The following OPRD1 variants were observed in gnomAD, a reference collection of about 807,000 sequenced individuals.
The protein encoded by OPRD1 is opioid receptor delta 1, also known as delta-type opioid receptor.
OPRD1 carries 19 observed loss-of-function variants against 17.5 expected under a neutral mutation model. The ratio of observed to expected loss-of-function variants is 1.09; its 90% CI spans 0.76 to 1.60. The LOEUF is 1.60. OPRD1 is among the 40% of genes most tolerant of loss of function. The probability of loss-of-function intolerance (pLI) is 0.00; values close to 1 mark genes in which losing one functional copy is unlikely to be tolerated. For missense variants in OPRD1, 483 were observed against 547.2 expected (o/e 0.88, Z 1.17); for synonymous variants, 256 against 240.9 (o/e 1.06, Z -0.58).
chr1:28,847,125 C>T (rs1473391287), intron 1 of OPRD1, among the ~76,000 whole-genome samples: 1 of 151,226 alleles, frequency 6.6e-6, no homozygotes, highest in African/African-American at 2.4e-5. Context: ...GATCTCAGCT[C>T]ACTGCAACCT....
chr1:28,812,487 C>T lies in OPRD1; in HGVS notation c.104C>T (p.Ser35Leu), dbSNP rs1557565766. The change falls in exon 1 of 3, where the codon TCG becomes TTG. Residue 35 changes from serine to leucine, a missense_variant. Transcript: ENST00000234961. Reference sequence around the variant, plus strand: ...TGCCCCAGCGCTGGCGCCAATGCGTCGGGGCCGCCAGGCGCGCGGAGCGCC... The same window carrying T: ...TGCCCCAGCGCTGGCGCCAATGCGTTGGGGCCGCCAGGCGCGCGGAGCGCC... ...SACPSAGANA[S>L]GPPGARSASS... The T allele has an allele frequency of 3.2e-6, 5 of 1,551,912 alleles. No individual in the cohort carries two copies. Among genetic ancestry groups the T allele is most frequent in the Non-Finnish European group, 4.3e-6 (5 of 1,157,560 alleles).
intron 1 of OPRD1, among the ~76,000 whole-genome samples, chr1:28,813,666 C>A (rs1052307427): frequency 6.6e-6 from 1 of 152,156 alleles, no homozygotes; most frequent in African/African-American, 2.4e-5. Flanking sequence ...ATCTTTAAAA[C>A]AACAAAGATG....
intron 1 of OPRD1, among the ~76,000 whole-genome samples, chr1:28,852,516 A>G (rs1569645291): frequency 6.6e-6 from 1 of 152,260 alleles, no homozygotes; most frequent in Non-Finnish European, 1.5e-5. Flanking sequence ...TGATAAAACT[A>G]TATTGGAGCC....
chr1:28,852,099 G>A (rs1327754473), intron 1 of OPRD1, among the ~76,000 whole-genome samples: 27 of 150,048 alleles, frequency 1.8e-4, no homozygotes, highest in Non-Finnish European at 2.5e-4. Flanking sequence ...CCTGGGAGGC[G>A]GAGCTTGGAG....
In OPRD1 at chr1:28,812,290, G is replaced by C. The variant is rs2088636111; in HGVS notation, c.-94G>C. 1 of 876,958 alleles carries C rather than the reference G, an allele frequency of 1.1e-6. No homozygotes were observed. The highest frequency in any genetic ancestry group is 1.5e-6 in the Non-Finnish European group (1 of 678,000). 54.3% of individuals were successfully genotyped at this position (876,958 alleles called of 1,614,324 possible). A position where few individuals can be genotyped will look rare whatever the true frequency, so the allele number is the denominator to read the frequency against. ...CGGGGCGCGGCAGCCGGCGGCGTCG[G>C]GGCCGCGGCCTCTGCCTTGCCGCTC... On this transcript the variant is annotated 5_prime_UTR_variant, in exon 1 of 3. Transcript: ENST00000234961.
At chr1:28,858,576 G>A (rs1045568321) in intron 1 of OPRD1, among the ~76,000 whole-genome samples, 13 of 134,832 alleles carry the variant, frequency 9.6e-5, no homozygotes, top group Non-Finnish European at 1.7e-4. Flanking sequence ...ACAGAGCTTC[G>A]CTTTTATCGC....
Position 28,864,108 on chromosome 1 carries a change from A to C in OPRD1, c.*825A>C, listed in dbSNP as rs535032850. On this transcript the variant is annotated 3_prime_UTR_variant, in exon 3 of 3. Transcript: ENST00000234961. ...AACATGGGAGACCCTGTCGCTACAA[A>C]AAATACAAAATTAGCCAGGCATGGT... 1 of 152,348 alleles carries C rather than the reference A, an allele frequency of 6.6e-6. No individual in the cohort carries two copies. The highest frequency in any genetic ancestry group is 1.9e-4 in the East Asian group (1 of 5,174). 9.4% of individuals were successfully genotyped at this position (152,348 alleles called of 1,614,324 possible).
At chr1:28,832,758 T>C (rs895404033) in intron 1 of OPRD1, among the ~76,000 whole-genome samples, 4 of 152,188 alleles carry the variant, frequency 2.6e-5, no homozygotes, top group African/African-American at 2.4e-5. Context: ...GTTTCTTCTA[T>C]AAACAAAATG....
intron 1 of OPRD1, among the ~76,000 whole-genome samples, chr1:28,856,959 C>G (rs753758693): frequency 1.3e-5 from 2 of 152,112 alleles, no homozygotes; most frequent in Admixed American, 6.5e-5. Flanking sequence ...GATGAAGAGG[C>G]CTGGATGGAG....
At chr1:28,841,831 A>G (rs2124275805) in intron 1 of OPRD1, among the ~76,000 whole-genome samples, 1 of 150,644 alleles carries the variant, frequency 6.6e-6, no homozygotes, top group Non-Finnish European at 1.5e-5. Flanking sequence ...CTCTTGCCTC[A>G]TCCTCCTGAG....
chr1:28,815,957 T>C (rs1166664334), intron 1 of OPRD1, among the ~76,000 whole-genome samples: 1 of 152,124 alleles, frequency 6.6e-6, no homozygotes, highest in African/African-American at 2.4e-5. Flanking sequence ...CTCGGGCTAG[T>C]GACGAGCTGT....
chr1:28,850,653 T>C (rs2088993491), intron 1 of OPRD1, among the ~76,000 whole-genome samples: 1 of 151,754 alleles, frequency 6.6e-6, no homozygotes, highest in African/African-American at 2.4e-5. Flanking sequence ...GGCATGATGG[T>C]GCACCTGCGA....
chr1:28,812,222 G>A lies in OPRD1; in HGVS notation c.-162G>A, dbSNP rs1569594422. The stretch of plus-strand genomic sequence containing the variant: ...GGACGCCGGGGGCTGGGCCGGTGCG[G>A]GCGGCGAGGCAGGCGGACGAGGCGC... On this transcript the variant is annotated 5_prime_UTR_variant, in exon 1 of 3. Transcript: ENST00000234961. 1.2e-5 allele frequency: 3 copies of A among 249,342 alleles called. No homozygotes were observed. The highest frequency in any genetic ancestry group is 1.2e-4 in the Admixed American group (2 of 16,538). The allele number at this position is 249,342 out of a possible 1,614,324, so 15.4% of individuals were successfully genotyped here. A position where few individuals can be genotyped will look rare whatever the true frequency, so the allele number is the denominator to read the frequency against.
chr1:28,832,628 A>AC, intron 1 of OPRD1, among the ~76,000 whole-genome samples: 1 of 152,112 alleles, frequency 6.6e-6, no homozygotes, highest in East Asian at 1.9e-4. Context: ...AAAAAAAAAA[A>AC]AGTAACATAC....
chr1:28,813,113 T>C (rs2088646236), intron 1 of OPRD1, among the ~76,000 whole-genome samples: 1 of 152,216 alleles, frequency 6.6e-6, no homozygotes, highest in Non-Finnish European at 1.5e-5. Context: ...CAAGTCATAT[T>C]TGGTGCTCAT....
At chr1:28,822,349 A>G (rs1020505515) in intron 1 of OPRD1, among the ~76,000 whole-genome samples, 1 of 152,140 alleles carries the variant, frequency 6.6e-6, no homozygotes, top group African/African-American at 2.4e-5. Context: ...GAAGTGCGCA[A>G]GTAGACACTG....
chr1:28,852,371 G>A (rs772406000), intron 1 of OPRD1, among the ~76,000 whole-genome samples: 3 of 152,008 alleles, frequency 2.0e-5, no homozygotes, highest in African/African-American at 7.2e-5. Context: ...GAAAATTGGC[G>A]CAATTATTAC....
intron 1 of OPRD1, among the ~76,000 whole-genome samples, chr1:28,855,605 A>G (rs1230232989): frequency 6.6e-6 from 1 of 152,188 alleles, no homozygotes; most frequent in Non-Finnish European, 1.5e-5. Context: ...CTGGCGGGCA[A>G]TCAGCGCTGG....
Position 28,867,685 on chromosome 1 carries a change from G to C in OPRD1, c.*4402G>C, listed in dbSNP as rs1047814279. 1.3e-5 allele frequency: 2 copies of C among 152,834 alleles called. No homozygotes were observed. Among genetic ancestry groups the C allele is most frequent in the African/African-American group, 4.8e-5 (2 of 41,442 alleles). The allele number at this position is 152,834 out of a possible 1,614,324, so 9.5% of individuals were successfully genotyped here. On this transcript the variant is annotated 3_prime_UTR_variant, in exon 3 of 3. Transcript: ENST00000234961. ...GCAGTAGAAGTAGTGGTTAAGCCTGGAATCAGATCTTGGTTTTCCCTCTCT... is the reference window on the plus strand; with the variant it reads ...GCAGTAGAAGTAGTGGTTAAGCCTGCAATCAGATCTTGGTTTTCCCTCTCT...
Sources: allele counts gnomAD v4.1 joint callset (sites outside exome capture counted in the v4.1 genomes callset), GRCh38; gene constraint gnomAD v4.1.1; transcripts MANE v1.5; gene names NCBI Gene and HGNC (gene_info 2026-07-23, HGNC 2026-07-21).